The following CSMD3 variants were observed in gnomAD, a reference collection of about 807,000 sequenced individuals.
CSMD3 encodes CUB and sushi domain-containing protein 3.
Under a neutral mutation model 435.2 loss-of-function variants are expected in CSMD3, and 177 were observed. The ratio of observed to expected loss-of-function variants is 0.41; its 90% CI spans 0.36 to 0.46. CSMD3 has a LOEUF of 0.46. Ranked by LOEUF, CSMD3 falls within the 20% of genes least tolerant of loss-of-function variation. The pLI is 0.34. For synonymous variants in CSMD3, 1,656 were observed against 1,520.5 expected (o/e 1.09, Z -2.07); for missense variants, 4,265 against 4,504.6 (o/e 0.95, Z 1.52).
At chr8:113,328,636 A>G (rs2075167274) in intron 1 of CSMD3, among the ~76,000 whole-genome samples, 1 of 151,438 alleles carries the variant, frequency 6.6e-6, no homozygotes, top group Admixed American at 6.6e-5. Context: ...AGGCAGCAAA[A>G]CCTGGAAGGG....
At chr8:112,419,078 G>A (rs765947486) in intron 32 of CSMD3, among the ~76,000 whole-genome samples, 3 of 152,022 alleles carry the variant, frequency 2.0e-5, no homozygotes, top group Non-Finnish European at 4.4e-5. Context: ...GGATGATTAG[G>A]GATACTTGAC....
At chr8:112,330,963 A>C (rs948251424) in intron 45 of CSMD3, among the ~76,000 whole-genome samples, 4 of 151,986 alleles carry the variant, frequency 2.6e-5, no homozygotes, top group African/African-American at 9.7e-5. Context: ...CCTTCTACTT[A>C]TTAGTTCTCT....
At position 112,480,959 on chromosome 8, in the gene CSMD3, T is replaced by C. The variant is rs142235004; in HGVS notation, c.5279-8252A>G. Among the ~76,000 whole-genome samples, 7 of 152,346 alleles carry C rather than the reference T, an allele frequency of 4.6e-5. No individual in the cohort carries two copies. The East Asian group carries it at 1.3e-3, about 29-fold the overall frequency. ...TGTTTAATTTAAAAAAATTATCTTTTGGCTGAATTTGTTTCATTTGATTTG... is the reference window on the plus strand; with the variant it reads ...TGTTTAATTTAAAAAAATTATCTTTCGGCTGAATTTGTTTCATTTGATTTG... On this transcript the variant is annotated intron_variant, in intron 31 of 70. Coordinates refer to ENST00000297405, the MANE Select transcript of CSMD3 (RefSeq NM_198123.2).
chr8:112,766,635 C>A (rs1020272567), intron 13 of CSMD3, among the ~76,000 whole-genome samples: 1 of 151,752 alleles, frequency 6.6e-6, no homozygotes, highest in Non-Finnish European at 1.5e-5. Flanking sequence ...GGACAATAAA[C>A]GGTAAAAGCA....
At chr8:112,779,627 A>T (rs2078333401) in intron 13 of CSMD3, among the ~76,000 whole-genome samples, 1 of 152,072 alleles carries the variant, frequency 6.6e-6, no homozygotes, top group African/African-American at 2.4e-5. Flanking sequence ...CAGCACCATC[A>T]AAGTGTCCAT....
At chr8:112,530,249 T>G (rs955203743) in intron 27 of CSMD3, among the ~76,000 whole-genome samples, 2 of 152,008 alleles carry the variant, frequency 1.3e-5, no homozygotes, top group Admixed American at 6.6e-5. Flanking sequence ...AAATAAATAA[T>G]AGCTAAAATT....
intron 1 of CSMD3, among the ~76,000 whole-genome samples, chr8:113,400,042 CTT>C (rs1238252661): frequency 3.3e-5 from 5 of 151,610 alleles, no homozygotes; most frequent in African/African-American, 1.2e-4. Context: ...GTGACAGAGT[CTT>C]AGCTTTGTTT....
intron 6 of CSMD3, among the ~76,000 whole-genome samples, chr8:112,989,705 G>A (rs1242904593): frequency 2.6e-5 from 4 of 152,006 alleles, no homozygotes; most frequent in Admixed American, 2.6e-4. Flanking sequence ...ATGTCCTAAT[G>A]ACTTGCTGTG....
chr8:113,306,208 C>G (rs72670752), intron 2 of CSMD3, among the ~76,000 whole-genome samples: 20,646 of 152,064 alleles, frequency 0.14, 2,524 homozygotes, highest in African/African-American at 0.32. Flanking sequence ...CAGCTATACA[C>G]GCAATCACTC....
At chr8:112,640,269 C>T (rs2074786945) in intron 20 of CSMD3, among the ~76,000 whole-genome samples, 1 of 152,108 alleles carries the variant, frequency 6.6e-6, no homozygotes, top group African/African-American at 2.4e-5. Context: ...CCACAGGGAT[C>T]CTTCCCTTGA....
chr8:112,685,909 G>T (rs886723908), intron 14 of CSMD3, among the ~76,000 whole-genome samples, 177 bp from the exon 15 acceptor site: 12 of 152,006 alleles, frequency 7.9e-5, no homozygotes, highest in Non-Finnish European at 1.5e-5. Context: ...AAGGCAACTA[G>T]TACTTTGGAT....
intron 11 of CSMD3, among the ~76,000 whole-genome samples, chr8:112,857,193 C>T (rs1406114173): frequency 6.6e-6 from 1 of 151,514 alleles, no homozygotes; most frequent in Non-Finnish European, 1.5e-5. Flanking sequence ...TTCTGTAAGA[C>T]ATCTTAAAAA....
intron 38 of CSMD3, among the ~76,000 whole-genome samples, chr8:112,367,353 T>A (rs1041102435): frequency 6.6e-6 from 1 of 152,140 alleles, no homozygotes; most frequent in South Asian, 2.1e-4. Context: ...TAAAAGCACT[T>A]ATGCTGACCT....
intron 7 of CSMD3, among the ~76,000 whole-genome samples, chr8:112,966,839 C>T (rs114217243): frequency 2.7e-4 from 41 of 151,954 alleles, no homozygotes; most frequent in African/African-American, 9.4e-4. Context: ...TCATAAATTT[C>T]CCACCATTTG....
intron 3 of CSMD3, among the ~76,000 whole-genome samples, chr8:113,269,181 C>T (rs1453840979): frequency 6.6e-6 from 1 of 151,754 alleles, no homozygotes; most frequent in Non-Finnish European, 1.5e-5. Flanking sequence ...GTGTTCCCAC[C>T]CAAATCACGG....
intron 58 of CSMD3, among the ~76,000 whole-genome samples, chr8:112,285,343 C>T (rs541298022): frequency 3.3e-5 from 5 of 152,204 alleles, no homozygotes; most frequent in African/African-American, 1.2e-4. Flanking sequence ...TTTAGTCTCT[C>T]TTACTGTATT....
At chr8:112,850,034 G>T (rs2080440545) in intron 11 of CSMD3, among the ~76,000 whole-genome samples, 1 of 152,096 alleles carries the variant, frequency 6.6e-6, no homozygotes, top group Non-Finnish European at 1.5e-5. Context: ...GTACCTACAT[G>T]TTAGGGTTGT....
chr8:112,396,995 A>G (rs917176141), intron 35 of CSMD3, among the ~76,000 whole-genome samples: 1 of 152,154 alleles, frequency 6.6e-6, no homozygotes, highest in Admixed American at 6.6e-5. Context: ...CAGTTAACAG[A>G]GGTTGAAAAG....
chr8:112,999,477 A>C (rs1189788504), intron 6 of CSMD3, among the ~76,000 whole-genome samples: 2 of 152,006 alleles, frequency 1.3e-5, no homozygotes, highest in African/African-American at 4.8e-5. Context: ...GTAAGTTAGT[A>C]AACCATGTAA....
Sources: gnomAD v4.1 joint callset for allele counts (sites outside exome capture counted in the v4.1 genomes callset) on GRCh38, gnomAD v4.1.1 for gene constraint, MANE v1.5 for transcripts, NCBI Gene and HGNC (gene_info 2026-07-23, HGNC 2026-07-21) for gene names.